Variants in GREB1 observed in about 807,000 individuals in gnomAD.
The protein encoded by GREB1 is growth regulating estrogen receptor binding 1.
Under a neutral mutation model 200.7 loss-of-function variants are expected in GREB1, and 106 were observed. The ratio of observed to expected loss-of-function variants is 0.53; its 90% CI spans 0.45 to 0.62. GREB1 has a LOEUF of 0.62. Among genes scored for constraint, GREB1 ranks in the 20% least tolerant of loss-of-function variants. GREB1 has a pLI of 0.00. For synonymous variants in GREB1, 1,132 were observed against 1,092.4 expected (o/e 1.04, Z -0.72); for missense variants, 2,243 against 2,556.8 (o/e 0.88, Z 2.65).
chr2:11,628,885 T>C (rs2148410453), intron 25 of GREB1, among the ~76,000 whole-genome samples: 1 of 152,212 alleles, frequency 6.6e-6, no homozygotes, highest in Non-Finnish European at 1.5e-5. Context: ...GGAGCATGCC[T>C]GGGACGGTGA....
intron 1 of GREB1, among the ~76,000 whole-genome samples, chr2:11,527,857 T>C (rs1673941234): frequency 6.6e-6 from 1 of 152,170 alleles, no homozygotes; most frequent in African/African-American, 2.4e-5. Flanking sequence ...CCAAAAGCAT[T>C]CTAACAAAGT....
At chr2:11,562,421 G>T in intron 2 of GREB1, 42 bp from the exon 3 acceptor site, 1 of 1,607,776 alleles carries the variant, frequency 6.2e-7, no homozygotes, top group South Asian at 1.1e-5. Context: ...TCTGAGGCCA[G>T]ACAGCAGCTG....
intron 22 of GREB1, among the ~76,000 whole-genome samples, chr2:11,619,377 C>A (rs1041490151): frequency 3.9e-5 from 6 of 152,172 alleles, no homozygotes; most frequent in African/African-American, 1.4e-4. Context: ...ATGGCAGAAT[C>A]TCCTGTGCGT....
At chr2:11,547,440 T>C (rs1675391134) in intron 1 of GREB1, among the ~76,000 whole-genome samples, 1 of 152,192 alleles carries the variant, frequency 6.6e-6, no homozygotes, top group African/African-American at 2.4e-5. Context: ...AGGATGAAAT[T>C]AGATAATTCT....
rs1672792445 is a variant in GREB1, at chr2:11,492,422, T to C, written c.-159+10041T>C. On this transcript the variant is annotated intron_variant, in intron 1 of 2. Transcript: ENST00000628795. The surrounding 1 kb of genome is among the most constrained non-coding windows in gnomAD (Gnocchi z 4.0). Reference sequence around the variant, plus strand: ...GTACTCCTGGCCATGTGTACAGAATTTCCGCAAAAGGAGGACGATAAATTG... The same window carrying C: ...GTACTCCTGGCCATGTGTACAGAATCTCCGCAAAAGGAGGACGATAAATTG... 6.6e-6 allele frequency among the ~76,000 whole-genome samples: 1 copy of C among 152,240 alleles called. No homozygotes were observed. The highest frequency in any genetic ancestry group is 1.5e-5 in the Non-Finnish European group (1 of 68,046).
At chr2:11,635,001 C>T (rs1231803429) in intron 29 of GREB1, among the ~76,000 whole-genome samples, 8 of 152,242 alleles carry the variant, frequency 5.3e-5, no homozygotes, top group Admixed American at 2.0e-4. Flanking sequence ...CCCTTGGCCT[C>T]TGGTCACCAC....
At chr2:11,505,593 A>G (rs1375857914) in intron 1 of GREB1, among the ~76,000 whole-genome samples, 1 of 152,196 alleles carries the variant, frequency 6.6e-6, no homozygotes, top group Non-Finnish European at 1.5e-5. Context: ...CTGTAACCCC[A>G]TGCTTTGGGA....
chr2:11,531,729 A>T (rs1012025786), upstream of GREB1, among the ~76,000 whole-genome samples: 7 of 152,010 alleles, frequency 4.6e-5, no homozygotes, highest in African/African-American at 1.7e-4. Context: ...TGCCACCATG[A>T]CCAGCTAATT....
chr2:11,618,663 A>C lies in GREB1; in HGVS notation c.3788A>C (p.Lys1263Thr). Reference protein sequence around the residue: ...CRQPPIVFLPKLVYDMVVSTD... With the variant: ...CRQPPIVFLPTLVYDMVVSTD... ...CAGCCACCCATTGTCTTCTTGCCCA[A>C]GCTCGTGTACGACATGGTTGTGTCC... is the stretch of plus-strand genomic sequence containing the variant. The change falls in exon 22 of 33, where the codon AAG becomes ACG. Residue 1263 changes from lysine (K) to threonine (T), a missense_variant. Coordinates refer to ENST00000381486, the MANE Select transcript of GREB1 (RefSeq NM_014668.4). 1 of 1,613,754 alleles carries C rather than the reference A, an allele frequency of 6.2e-7. No homozygotes were observed. Among genetic ancestry groups the C allele is most frequent in the African/African-American group, 1.3e-5 (1 of 75,044 alleles).
rs1320683929 is a variant in GREB1, at chr2:11,509,799, G to T, written c.-159+27418G>T. On this transcript the variant is annotated intron_variant, in intron 1 of 2. Coordinates refer to the GREB1 transcript ENST00000628795. Reference sequence around the variant, plus strand: ...TGAAGCAGAGACGGAGCCCTCACCAGACACTGAGTCTGCTGGTGCCATACC... The same window carrying T: ...TGAAGCAGAGACGGAGCCCTCACCATACACTGAGTCTGCTGGTGCCATACC... 3.3e-5 allele frequency among the ~76,000 whole-genome samples: 5 copies of T among 152,316 alleles called. No individual in the cohort carries two copies. The East Asian group carries it at 9.6e-4, about 29-fold the overall frequency.
intron 5 of GREB1, among the ~76,000 whole-genome samples, chr2:11,577,956 G>C (rs1679047387): frequency 6.6e-6 from 1 of 152,156 alleles, no homozygotes; most frequent in Admixed American, 6.5e-5. Context: ...AGGAAATAAG[G>C]GTGGAAGATG....
rs1235613908 is a variant in GREB1, at chr2:11,642,705, ATTAG to A, written c.*2255_*2258del. 6.6e-6 allele frequency: 1 copy of A among 152,120 alleles called. No individual in the cohort carries two copies. Among genetic ancestry groups the A allele is most frequent in the African/African-American group, 2.4e-5 (1 of 41,418 alleles). 9.4% of individuals were successfully genotyped at this position (152,120 alleles called of 1,614,324 possible). A position where few individuals can be genotyped will look rare whatever the true frequency, so the allele number is the denominator to read the frequency against. On this transcript the variant is annotated 3_prime_UTR_variant, in exon 33 of 33. Coordinates refer to ENST00000381486, the MANE Select transcript of GREB1 (RefSeq NM_014668.4). ...GCTTTTGTGTCATTCTCCCCACTTT[ATTAG>A]TTAATTTAAATTGGAAAAAACCCTC... is the stretch of plus-strand genomic sequence containing the variant.
chr2:11,611,494 A>T (rs547112373), intron 18 of GREB1, among the ~76,000 whole-genome samples: 71 of 152,156 alleles, frequency 4.7e-4, no homozygotes, highest in South Asian at 1.0e-3. Context: ...TAAAATTTTT[A>T]AAATTTTCTC....
At chr2:11,607,425 T>A (rs909736034) in intron 17 of GREB1, among the ~76,000 whole-genome samples, 1 of 57,148 alleles carries the variant, frequency 1.7e-5, no homozygotes, top group South Asian at 9.6e-4. Context: ...ATCCAGTATA[T>A]GTATGTGTGT....
In GREB1 at chr2:11,633,212, C is replaced by T. The variant is rs1006693780; in HGVS notation, c.4991+149C>T. ...TGGTTGTGGTTGTGGTTCCCAGAGTCCTGGGTGTGGTAAAAGTGAGCTCAT... is the reference window on the plus strand; with the variant it reads ...TGGTTGTGGTTGTGGTTCCCAGAGTTCTGGGTGTGGTAAAAGTGAGCTCAT... On this transcript the variant is annotated intron_variant, in intron 28 of 32. Transcript: ENST00000381486. The surrounding 1 kb of genome is among the most constrained non-coding windows in gnomAD (Gnocchi z 4.1). The T allele has an allele frequency of 5.3e-6, 4 of 749,266 alleles. No homozygotes were observed. The highest frequency in any genetic ancestry group is 6.6e-6 in the Non-Finnish European group (3 of 457,012). 46.4% of individuals were successfully genotyped at this position (749,266 alleles called of 1,614,324 possible). A position where few individuals can be genotyped will look rare whatever the true frequency, so the allele number is the denominator to read the frequency against.
At chr2:11,496,452 A>G (rs1051238659) in intron 1 of GREB1, among the ~76,000 whole-genome samples, 6 of 152,054 alleles carry the variant, frequency 3.9e-5, no homozygotes, top group Non-Finnish European at 8.8e-5. Flanking sequence ...GGTTTCTAAT[A>G]CCCAGAGAGA....
At chr2:11,603,559 T>C in intron 17 of GREB1, among the ~76,000 whole-genome samples, 1 of 152,252 alleles carries the variant, frequency 6.6e-6, no homozygotes, top group East Asian at 1.9e-4. Context: ...AGGCTAGAGA[T>C]GTGTCCAGTA....
chr2:11,540,849 A>G (rs1447512511), intron 1 of GREB1, among the ~76,000 whole-genome samples: 2 of 152,216 alleles, frequency 1.3e-5, no homozygotes, highest in Non-Finnish European at 2.9e-5. Context: ...CTATTGCCAC[A>G]TTACTGGAGC....
At position 11,525,532 on chromosome 2, in the gene GREB1, A is replaced by G. The variant is rs541514327; in HGVS notation, c.-158-30925A>G. On this transcript the variant is annotated intron_variant, in intron 1 of 2. Transcript: ENST00000628795. ...AAAAAAAAAAAGGCATTCAGGTCAT[A>G]TTCTCTTTCCTTTTGCCTGTTTCCT... Among the ~76,000 whole-genome samples, 187 of 150,076 alleles carry G rather than the reference A, an allele frequency of 1.2e-3. 1 individual carries two copies. The highest frequency in any genetic ancestry group is 4.4e-3 in the African/African-American group (179 of 40,996).
Sources: allele counts gnomAD v4.1 joint callset (sites outside exome capture counted in the v4.1 genomes callset), GRCh38; gene constraint gnomAD v4.1.1; non-coding constraint Gnocchi (gnomAD v3.1); transcripts MANE v1.5; gene names NCBI Gene and HGNC (gene_info 2026-07-23, HGNC 2026-07-21).